The following LSG1 variants were observed in gnomAD, a reference collection of about 807,000 sequenced individuals.
LSG1 encodes the protein large 60S subunit nuclear export GTPase 1.
In LSG1, 55 loss-of-function variants were observed where a neutral mutation model predicts 82.6. The observed-to-expected ratio is 0.67, with a 90% CI of 0.54 to 0.83. LSG1 has a LOEUF of 0.83. Ranked by LOEUF, LSG1 falls within the 40% of genes least tolerant of loss-of-function variation. LSG1 has a pLI of 0.00. For synonymous variants in LSG1, 272 were observed against 282.5 expected, an observed-to-expected ratio of 0.96 and a Z score of 0.37; for missense variants, 809 against 807.9, an observed-to-expected ratio of 1.00 and a Z score of -0.02.
At position 194,653,517 on chromosome 3, in the gene LSG1, A is replaced by AC. The variant is rs11445822; in HGVS notation, c.760-376_760-375insG. On this transcript the variant is annotated intron_variant, in intron 7 of 13. Transcript: ENST00000265245. The stretch of plus-strand genomic sequence containing the variant: ...GCAACAGACAAGGCTCTGTCTCACA[A>AC]AAAAAAAAAAAAGATGAACAGGGGA... Among the ~76,000 whole-genome samples the AC allele has an allele frequency of 5.7e-4, 41 of 71,770 alleles. 1 individual carries two copies. The highest frequency in any genetic ancestry group is 1.4e-3 in the Non-Finnish European group (37 of 27,014). 47.1% of individuals were successfully genotyped at this position (71,770 alleles called of 152,430 possible). A position where few individuals can be genotyped will look rare whatever the true frequency, so the allele number is the denominator to read the frequency against.
At position 194,643,402 on chromosome 3, in the gene LSG1, C is replaced by T. The variant is rs772418630; in HGVS notation, c.1798-1155G>A. Among the ~76,000 whole-genome samples, 5 of 152,248 alleles carry T rather than the reference C, an allele frequency of 3.3e-5. No individual in the cohort carries two copies. The East Asian group carries it at 5.8e-4, about 18-fold the overall frequency. On this transcript the variant is annotated intron_variant, in intron 13 of 13. Coordinates refer to ENST00000265245, the MANE Select transcript of LSG1 (RefSeq NM_018385.3). Reference sequence around the variant, plus strand: ...AGAACTCTTACAACTTAATAATAGACATTTCTCTAAAGAAAATATACATGT... The same window carrying T: ...AGAACTCTTACAACTTAATAATAGATATTTCTCTAAAGAAAATATACATGT...
chr3:194,663,957 CAA>C (rs1172444075), intron 5 of LSG1, among the ~76,000 whole-genome samples: 2 of 152,144 alleles, frequency 1.3e-5, no homozygotes, highest in Non-Finnish European at 2.9e-5. Context: ...GTGACTTTTA[CAA>C]GTTTAGTCCA....
chr3:194,660,211 A>G, intron 5 of LSG1, 78 bp from the exon 6 acceptor site: 2 of 1,127,728 alleles, frequency 1.8e-6, no homozygotes, highest in East Asian at 2.3e-5. Flanking sequence ...TGGCCAGAGT[A>G]GCAAACCCTG....
At chr3:194,671,654 C>A (rs1453399560) in intron 1 of LSG1, among the ~76,000 whole-genome samples, 1 of 152,168 alleles carries the variant, frequency 6.6e-6, no homozygotes, top group Non-Finnish European at 1.5e-5. Context: ...AGGCAAGGAT[C>A]TGAATTATTT....
intron 6 of LSG1, among the ~76,000 whole-genome samples, chr3:194,659,561 A>G (rs548053057): frequency 1.5e-4 from 23 of 152,240 alleles, no homozygotes; most frequent in Non-Finnish European, 2.6e-4. Flanking sequence ...AATACCTCAC[A>G]TATTATACAA....
chr3:194,646,358 T>C (rs1718554142), intron 11 of LSG1, 115 bp from the exon 12 acceptor site: 4 of 713,988 alleles, frequency 5.6e-6, no homozygotes, highest in Non-Finnish European at 9.9e-6. Flanking sequence ...TTTAAAAAAT[T>C]AGGTATCATT....
At chr3:194,645,555 C>CACACACACACAG (rs1718522000) in intron 12 of LSG1, among the ~76,000 whole-genome samples, 1 of 44,498 alleles carries the variant, frequency 2.2e-5, no homozygotes, top group African/African-American at 7.2e-5. Context: ...CACACACACA[C>CACACACACACAG]ACACACACAC....
rs1560219741 is a variant in LSG1, at chr3:194,645,551, CACACACACACACACACACAGACAG to C, written c.1623+589_1623+612del. On this transcript the variant is annotated intron_variant, in intron 12 of 13. Transcript: ENST00000265245. ...ACACAGACAGACACACACACACACA[CACACACACACACACACACAGACAG>C]ACACACACACACACACACACACACA... The C allele has an allele frequency of 5.1e-3, 248 of 48,658 alleles. 10 individuals carry two copies. The highest frequency in any genetic ancestry group is 0.025 in the East Asian group (28 of 1,126). The allele number at this position is 48,658 out of a possible 1,614,324, so 3.0% of individuals were successfully genotyped here. A position where few individuals can be genotyped will look rare whatever the true frequency, so the allele number is the denominator to read the frequency against.
chr3:194,650,713 A>C (rs1219136942), intron 10 of LSG1, 168 bp downstream of exon 10: 3 of 634,426 alleles, frequency 4.7e-6, no homozygotes, highest in Non-Finnish European at 7.6e-6. Flanking sequence ...TGAAATCAGG[A>C]AATGAGGTTC....
chr3:194,650,283 C>G lies in LSG1; in HGVS notation c.1419+598G>C, dbSNP rs569818636. ...TCCATGCTGGGCACTGTCCTAGATGCTTTATGTAAGTTAATTCATTATGCT... is the reference window on the plus strand; with the variant it reads ...TCCATGCTGGGCACTGTCCTAGATGGTTTATGTAAGTTAATTCATTATGCT... On this transcript the variant is annotated intron_variant, in intron 10 of 13. Coordinates refer to ENST00000265245, the MANE Select transcript of LSG1 (RefSeq NM_018385.3). Among the ~76,000 whole-genome samples, 6 of 152,258 alleles carry G rather than the reference C, an allele frequency of 3.9e-5. No individual in the cohort carries two copies. The South Asian group carries it at 1.2e-3, about 32-fold the overall frequency.
chr3:194,662,035 A>G (rs116617433), intron 5 of LSG1, among the ~76,000 whole-genome samples: 1 of 152,346 alleles, frequency 6.6e-6, no homozygotes, highest in Non-Finnish European at 1.5e-5. Flanking sequence ...ATAAAGAGAA[A>G]GAACAGCAGC....
In LSG1 at chr3:194,641,781, T is replaced by C. The variant is rs947431978; in HGVS notation, c.*287A>G. ...GGTGCGCGCCACCACGCCTGGCTAA[T>C]TTTTTTGTATTTTTAGTAGAGACGG... is the stretch of plus-strand genomic sequence containing the variant. On this transcript the variant is annotated 3_prime_UTR_variant, in exon 14 of 14. Transcript: ENST00000265245. The C allele has an allele frequency of 4.2e-5, 10 of 239,036 alleles. No homozygotes were observed. The highest frequency in any genetic ancestry group is 1.3e-3 in the Middle Eastern group (1 of 784). The allele number at this position is 239,036 out of a possible 1,614,324, so 14.8% of individuals were successfully genotyped here.
chr3:194,650,825 C>T, intron 10 of LSG1, 56 bp downstream of exon 10: 3 of 1,537,038 alleles, frequency 2.0e-6, no homozygotes, highest in Non-Finnish European at 2.6e-6. Context: ...CCAAAATAAA[C>T]CTGAAGCCCT....
intron 8 of LSG1, among the ~76,000 whole-genome samples, chr3:194,651,881 C>T (rs1338962503): frequency 3.3e-5 from 5 of 152,202 alleles, no homozygotes; most frequent in Admixed American, 2.0e-4. Context: ...TTGGGAATTA[C>T]ACCTAGGTCT....
At chr3:194,665,980 G>C in intron 4 of LSG1, among the ~76,000 whole-genome samples, 1 of 152,328 alleles carries the variant, frequency 6.6e-6, no homozygotes, top group South Asian at 2.1e-4. Context: ...GAAAGGAAAA[G>C]GCCCGGAACT....
At chr3:194,648,396 T>C (rs2108616022) in intron 11 of LSG1, among the ~76,000 whole-genome samples, 1 of 152,220 alleles carries the variant, frequency 6.6e-6, no homozygotes, top group Middle Eastern at 3.4e-3. Context: ...CGCTTTCTTC[T>C]TGTTTGGGAG....
chr3:194,648,911 C>G, intron 10 of LSG1, 107 bp from the exon 11 acceptor site: 1 of 1,080,500 alleles, frequency 9.3e-7, no homozygotes. Context: ...GACAAACACT[C>G]TCTCCTCTCC....
In LSG1 at chr3:194,670,080, G is replaced by C; in HGVS notation, c.155C>G (p.Ser52Ter). The change falls in exon 2 of 14, where the codon TCA becomes TGA. Residue 52 changes from serine (S) to a stop codon, truncating the protein, a stop_gained. Transcript: ENST00000265245. LOFTEE classifies it high-confidence loss of function. Reference sequence around the variant, plus strand: ...ATCAAGGGAGCTCTGTTCAGTCACTGACTGAAGATTAAGACGACCCCAATC... The same window carrying C: ...ATCAAGGGAGCTCTGTTCAGTCACTCACTGAAGATTAAGACGACCCCAATC... ...GYDWGRLNLQ[S>*]VTEQSSLDDF... The C allele has an allele frequency of 6.2e-7, 1 of 1,614,096 alleles. No individual in the cohort carries two copies. The highest frequency in any genetic ancestry group is 8.5e-7 in the Non-Finnish European group (1 of 1,179,990).
At chr3:194,651,981 G>A (rs975553559) in intron 8 of LSG1, among the ~76,000 whole-genome samples, 3 of 152,144 alleles carry the variant, frequency 2.0e-5, no homozygotes, top group African/African-American at 7.2e-5. Context: ...TTTGGGGCAG[G>A]GGGTTGGGGC....
Sources: allele counts gnomAD v4.1 joint callset (sites outside exome capture counted in the v4.1 genomes callset), GRCh38; gene constraint gnomAD v4.1.1; transcripts MANE v1.5; gene names NCBI Gene and HGNC (gene_info 2026-07-23, HGNC 2026-07-21).